The following C20orf203 variants were observed in gnomAD, a reference collection of about 807,000 sequenced individuals.
C20orf203 encodes chromosome 20 open reading frame 203.
C20orf203 carries 16 observed loss-of-function variants against 15.9 expected under a neutral mutation model. The observed-to-expected ratio is 1.01, with a 90% CI of 0.68 to 1.53. The LOEUF (loss-of-function observed/expected upper bound fraction) is 1.53. C20orf203 is among the 40% of genes most tolerant of loss of function. The probability of loss-of-function intolerance (pLI) is 0.00; values close to 1 mark genes in which losing one functional copy is unlikely to be tolerated. For missense variants in C20orf203, 263 were observed against 247.5 expected (o/e 1.06, Z -0.42); for synonymous variants, 98 against 97.2 (o/e 1.01, Z -0.05).
Position 32,648,498 on chromosome 20 carries a change from T to C in C20orf203, c.*1177+757A>G, listed in dbSNP as rs1442514334. Among the ~76,000 whole-genome samples, 10 of 138,436 alleles carry C rather than the reference T, an allele frequency of 7.2e-5. No individual in the cohort carries two copies. The Admixed American group carries it at 8.4e-4, about 12-fold the overall frequency. 90.8% of individuals were successfully genotyped at this position (138,436 alleles called of 152,430 possible). Reference sequence around the variant, plus strand: ...CTCTGTCGCCCAGGCTGGAGTACAGTAGTGTGACGGTGGCTCACTGCAAGC... The same window carrying C: ...CTCTGTCGCCCAGGCTGGAGTACAGCAGTGTGACGGTGGCTCACTGCAAGC... On this transcript the variant is annotated intron_variant, in intron 4 of 5. Coordinates refer to ENST00000608990, the MANE Select transcript of C20orf203 (RefSeq NM_182584.4).
intron 4 of C20orf203, among the ~76,000 whole-genome samples, chr20:32,648,306 T>G (rs1216398439): frequency 2.6e-5 from 4 of 152,052 alleles, no homozygotes; most frequent in Middle Eastern, 3.4e-3. Flanking sequence ...CAGGTTCTGC[T>G]CAGCTTTGCC....
intron 4 of C20orf203, among the ~76,000 whole-genome samples, chr20:32,641,240 T>C (rs1382459927): frequency 6.9e-6 from 1 of 144,996 alleles, no homozygotes; most frequent in Non-Finnish European, 1.5e-5. Context: ...GAGGCTGAGG[T>C]GGAAGGATCA....
At chr20:32,648,535 G>A (rs1278583562) in intron 4 of C20orf203, among the ~76,000 whole-genome samples, 1 of 142,808 alleles carries the variant, frequency 7.0e-6, no homozygotes, top group Non-Finnish European at 1.5e-5. Flanking sequence ...CCGCCTCCCA[G>A]GTTCACGCCA....
intron 1 of C20orf203, among the ~76,000 whole-genome samples, chr20:32,664,748 G>A (rs1982979231): frequency 6.6e-6 from 1 of 152,238 alleles, no homozygotes; most frequent in Non-Finnish European, 1.5e-5. Context: ...CAGTGGTCCT[G>A]CAGATGTGGC....
rs760760253 is a variant in C20orf203 at position 32,633,349 on chromosome 20, C to T, written c.*2221G>A. 1 of 152,164 alleles carries T rather than the reference C, an allele frequency of 6.6e-6. No individual in the cohort carries two copies. Among genetic ancestry groups the T allele is most frequent in the Non-Finnish European group, 1.5e-5 (1 of 68,032 alleles). The allele number at this position is 152,164 out of a possible 1,614,324, so 9.4% of individuals were successfully genotyped here. On this transcript the variant is annotated 3_prime_UTR_variant, in exon 6 of 6. Coordinates refer to ENST00000608990, the MANE Select transcript of C20orf203 (RefSeq NM_182584.4). ...TGAAGTCCACCTGATGGTGATGATA[C>T]TCTAGGAGGACAATGATCATATAGT...
chr20:32,641,616 C>T (rs1459468695), intron 4 of C20orf203, among the ~76,000 whole-genome samples: 1 of 152,130 alleles, frequency 6.6e-6, no homozygotes, highest in Non-Finnish European at 1.5e-5. Context: ...TTCTCTATAT[C>T]CTCACCAACA....
intron 4 of C20orf203, among the ~76,000 whole-genome samples, chr20:32,643,749 A>G (rs1982350463): frequency 6.6e-6 from 1 of 152,066 alleles, no homozygotes; most frequent in Non-Finnish European, 1.5e-5. Context: ...TTTGACGATG[A>G]ACACCCTTTT....
chr20:32,647,545 T>C (rs571246507), intron 4 of C20orf203, among the ~76,000 whole-genome samples: 4 of 151,802 alleles, frequency 2.6e-5, no homozygotes. Flanking sequence ...TGCTACAATA[T>C]ATTAAAAAAA....
At chr20:32,665,675 G>T (rs745370136) in intron 1 of C20orf203, among the ~76,000 whole-genome samples, 5 of 152,150 alleles carry the variant, frequency 3.3e-5, no homozygotes, top group Non-Finnish European at 5.9e-5. Context: ...CGACAAAAAG[G>T]TTTTTTAAGG....
intron 1 of C20orf203, among the ~76,000 whole-genome samples, chr20:32,659,720 A>G (rs992273581): frequency 2.6e-5 from 4 of 152,206 alleles, no homozygotes; most frequent in Non-Finnish European, 4.4e-5. Context: ...CCACTTGTCC[A>G]TGTCCCACAG....
chr20:32,636,313 TTC>T (rs1218653226), intron 5 of C20orf203, among the ~76,000 whole-genome samples: 1 of 152,338 alleles, frequency 6.6e-6, no homozygotes, highest in East Asian at 1.9e-4. Context: ...AATTTGCTTT[TTC>T]TCTCTCTCTT....
intron 1 of C20orf203, among the ~76,000 whole-genome samples, chr20:32,652,661 C>T (rs1982664262): frequency 6.6e-6 from 1 of 151,898 alleles, no homozygotes; most frequent in Non-Finnish European, 1.5e-5. Flanking sequence ...ACTGTCCAGA[C>T]CCCCAGCATG....
intron 1 of C20orf203, among the ~76,000 whole-genome samples, chr20:32,673,304 G>A (rs534908612): frequency 1.4e-4 from 21 of 152,278 alleles, no homozygotes; most frequent in African/African-American, 5.1e-4. Flanking sequence ...GCCTCCTCCT[G>A]CTCCCCTCAA....
intron 1 of C20orf203, among the ~76,000 whole-genome samples, chr20:32,667,053 T>G (rs1198202169): frequency 6.6e-6 from 1 of 151,964 alleles, no homozygotes; most frequent in African/African-American, 2.4e-5. Flanking sequence ...ACACTCTGGC[T>G]TTGAGATCTG....
chr20:32,666,155 T>TAAAAAAA (rs147487671), intron 1 of C20orf203, among the ~76,000 whole-genome samples: 2 of 102,744 alleles, frequency 1.9e-5, no homozygotes, highest in Admixed American at 1.1e-4. Flanking sequence ...ATAAATAAAG[T>TAAAAAAA]AAAAAAAAAA....
chr20:32,653,176 G>C (rs1209147380), intron 1 of C20orf203, among the ~76,000 whole-genome samples: 1 of 152,120 alleles, frequency 6.6e-6, no homozygotes, highest in African/African-American at 2.4e-5. Flanking sequence ...GAGATGGTCA[G>C]AGTTGGAAGA....
intron 1 of C20orf203, among the ~76,000 whole-genome samples, chr20:32,671,497 A>C (rs899871671): frequency 6.6e-6 from 1 of 152,192 alleles, no homozygotes; most frequent in Non-Finnish European, 1.5e-5. Context: ...AAGTAGAAGA[A>C]AGAAAAAAAA....
intron 1 of C20orf203, among the ~76,000 whole-genome samples, chr20:32,654,143 G>A (rs1326767593): frequency 2.0e-5 from 3 of 151,592 alleles, no homozygotes; most frequent in African/African-American, 4.8e-5. Flanking sequence ...TAATAATTGG[G>A]TTTGGCAAAG....
At chr20:32,653,691 G>A (rs1276103812) in intron 1 of C20orf203, among the ~76,000 whole-genome samples, 1 of 152,094 alleles carries the variant, frequency 6.6e-6, no homozygotes, top group African/African-American at 2.4e-5. Flanking sequence ...TTGAATTCAC[G>A]ACTTGTATTC....
Sources: allele counts gnomAD v4.1 joint callset (sites outside exome capture counted in the v4.1 genomes callset), GRCh38; gene constraint gnomAD v4.1.1; transcripts MANE v1.5; gene names NCBI Gene and HGNC (gene_info 2026-07-23, HGNC 2026-07-21).